The following CACNA1C variants were observed in gnomAD, a reference collection of about 807,000 sequenced individuals.
CACNA1C encodes the protein calcium voltage-gated channel subunit alpha1 C.
Under a neutral mutation model 229.0 loss-of-function variants are expected in CACNA1C, and 30 were observed. The observed-to-expected ratio is 0.13, with a 90% confidence interval of 0.10 to 0.18. The LOEUF is 0.18. Among genes scored for constraint, CACNA1C ranks in the 10% least tolerant of loss-of-function variants. The pLI, the probability that CACNA1C is intolerant of heterozygous loss-of-function variation, is 1.00. For missense variants in CACNA1C, 1,658 were observed against 2,845.0 expected, an observed-to-expected ratio of 0.58 and a Z score of 9.49; for synonymous variants, 1,114 against 1,132.5, an observed-to-expected ratio of 0.98 and a Z score of 0.33.
At chr12:2,687,107 G>A (rs947783082) in intron 45 of CACNA1C, among the ~76,000 whole-genome samples, 8 of 152,178 alleles carry the variant, frequency 5.3e-5, no homozygotes, top group Non-Finnish European at 8.8e-5. Context: ...GGTTTTCTTA[G>A]CCTGTGTGGT....
chr12:2,285,986 G>A lies in CACNA1C; in HGVS notation c.478-162990G>A, dbSNP rs910446174. Among the ~76,000 whole-genome samples the A allele has an allele frequency of 3.3e-5, 5 of 152,260 alleles. No individual in the cohort carries two copies. Among genetic ancestry groups the A allele is most frequent in the African/African-American group, 1.2e-4 (5 of 41,556 alleles). ...GTTTGAGGCCCAGGGACATTTCCCA[G>A]GGGATGAACTCTAACTAAAAATGAA... is the stretch of plus-strand genomic sequence containing the variant. On this transcript the variant is annotated intron_variant, in intron 3 of 46. Coordinates refer to ENST00000399655, the MANE Select transcript of CACNA1C (RefSeq NM_000719.7). The surrounding 1 kb of genome is among the most constrained non-coding windows in gnomAD (Gnocchi z 4.2).
chr12:2,541,691 A>G (rs923991114), intron 9 of CACNA1C, among the ~76,000 whole-genome samples: 6 of 152,224 alleles, frequency 3.9e-5, no homozygotes, highest in African/African-American at 1.4e-4. Flanking sequence ...ATAACGAGCT[A>G]CCAGCTAAGT....
chr12:2,399,012 G>A (rs1219854442), intron 3 of CACNA1C, among the ~76,000 whole-genome samples: 1 of 152,194 alleles, frequency 6.6e-6, no homozygotes, highest in East Asian at 1.9e-4. Flanking sequence ...CTCTCCCTGA[G>A]ATGGAAGATC....
intron 29 of CACNA1C, among the ~76,000 whole-genome samples, chr12:2,621,539 G>C (rs2083249997): frequency 1.3e-5 from 2 of 152,104 alleles, no homozygotes; most frequent in African/African-American, 4.8e-5. Flanking sequence ...TCAGTGGGGA[G>C]GATTATATAA....
chr12:2,149,531 C>T (rs1411894796), intron 3 of CACNA1C, among the ~76,000 whole-genome samples: 5 of 152,220 alleles, frequency 3.3e-5, no homozygotes, highest in South Asian at 2.1e-4. Context: ...TAGGAATGCT[C>T]ATAGCAGTAG....
chr12:2,371,890 C>T (rs1163155071), intron 3 of CACNA1C, among the ~76,000 whole-genome samples: 2 of 152,092 alleles, frequency 1.3e-5, no homozygotes, highest in Non-Finnish European at 2.9e-5. Flanking sequence ...TTAAAAGCCT[C>T]TAAGGGGAGC....
intron 3 of CACNA1C, among the ~76,000 whole-genome samples, chr12:2,425,992 A>T (rs2239072): frequency 0.28 from 42,137 of 152,060 alleles, 6,739 homozygotes; most frequent in Middle Eastern, 0.38. Context: ...ACAGATGACT[A>T]TGTTCCTCAT....
chr12:1,983,811 G>A (rs80164052), intron 1 of CACNA1C, among the ~76,000 whole-genome samples: 2,127 of 151,812 alleles, frequency 0.014, 34 homozygotes, highest in East Asian at 0.059. Flanking sequence ...TGTAGAAAGT[G>A]GAGCACTAAA....
chr12:2,211,603 C>T (rs768822740), intron 3 of CACNA1C, among the ~76,000 whole-genome samples: 1 of 152,110 alleles, frequency 6.6e-6, no homozygotes, highest in Admixed American at 6.5e-5. Context: ...GTCATTCATG[C>T]AGGTTTGGCC....
At chr12:2,569,310 T>G (rs1320537013) in intron 13 of CACNA1C, among the ~76,000 whole-genome samples, 1 of 150,136 alleles carries the variant, frequency 6.7e-6, no homozygotes, top group African/African-American at 2.5e-5. Context: ...TAAAACATAC[T>G]GAAATATAAT....
At chr12:2,524,996 T>C (rs1468191625) in intron 9 of CACNA1C, among the ~76,000 whole-genome samples, 3 of 152,090 alleles carry the variant, frequency 2.0e-5, no homozygotes, top group African/African-American at 7.2e-5. Flanking sequence ...AGAAGCAAAA[T>C]AATTTTTAAA....
intron 3 of CACNA1C, among the ~76,000 whole-genome samples, chr12:2,380,588 G>C (rs925335702): frequency 5.3e-5 from 8 of 152,278 alleles, no homozygotes; most frequent in African/African-American, 1.9e-4. Flanking sequence ...AGGTTGGTTA[G>C]ATTCCCAGTG....
intron 3 of CACNA1C, among the ~76,000 whole-genome samples, chr12:2,156,688 G>T (rs913199153): frequency 6.6e-6 from 1 of 152,180 alleles, no homozygotes; most frequent in Non-Finnish European, 1.5e-5. Flanking sequence ...CCTCAACCAG[G>T]TTTTTCTACA....
intron 1 of CACNA1C, among the ~76,000 whole-genome samples, chr12:2,071,065 C>CCCTT (rs1385657296): frequency 3.5e-5 from 4 of 115,626 alleles, no homozygotes; most frequent in Non-Finnish European, 7.3e-5. Context: ...CTCCCTCCCT[C>CCCTT]CCTTCCTTCC....
intron 3 of CACNA1C, among the ~76,000 whole-genome samples, chr12:2,234,052 C>G (rs530888709): frequency 2.4e-4 from 37 of 152,288 alleles, no homozygotes; most frequent in Non-Finnish European, 4.7e-4. Context: ...ATTAGCATTT[C>G]CTTTAACTTT....
chr12:2,203,576 C>T (rs1335809529), intron 3 of CACNA1C, among the ~76,000 whole-genome samples: 5 of 152,190 alleles, frequency 3.3e-5, no homozygotes, highest in East Asian at 1.9e-4. Flanking sequence ...GAGGTGGCTG[C>T]AGTCCTATGG....
chr12:2,426,557 A>G (rs555140159), intron 3 of CACNA1C, among the ~76,000 whole-genome samples: 12 of 152,364 alleles, frequency 7.9e-5, no homozygotes, highest in African/African-American at 2.9e-4. Flanking sequence ...GAAAGGTGAT[A>G]TATCAGTTAG....
chr12:2,647,143 C>CA lies in CACNA1C; in HGVS notation c.3913-1327dup, dbSNP rs1242770922. 1.3e-5 allele frequency among the ~76,000 whole-genome samples: 2 copies of CA among 152,206 alleles called. No homozygotes were observed. Among genetic ancestry groups the CA allele is most frequent in the African/African-American group, 4.8e-5 (2 of 41,448 alleles). ...TCTAGTTGTGCACATTTCCATCCTT[C>CA]AAAAATTCCATAACACATTTTCCTT... On this transcript the variant is annotated intron_variant, in intron 30 of 46. Transcript: ENST00000399655. The surrounding 1 kb of genome is among the most constrained non-coding windows in gnomAD (Gnocchi z 4.2).
chr12:2,424,013 CT>C (rs2099004451), intron 3 of CACNA1C, among the ~76,000 whole-genome samples: 1 of 152,080 alleles, frequency 6.6e-6, no homozygotes, highest in Non-Finnish European at 1.5e-5. Context: ...TTGGGAGAGA[CT>C]GCCTGCGATG....
Sources: gnomAD v4.1 joint callset for allele counts (sites outside exome capture counted in the v4.1 genomes callset) on GRCh38, gnomAD v4.1.1 for gene constraint, Gnocchi (gnomAD v3.1) non-coding constraint, MANE v1.5 for transcripts, NCBI Gene and HGNC (gene_info 2026-07-23, HGNC 2026-07-21) for gene names.